Variants in IQGAP1 observed in about 807,000 individuals in gnomAD.
The protein encoded by IQGAP1 is ras GTPase-activating-like protein IQGAP1.
In IQGAP1, 66 loss-of-function variants were observed where a neutral mutation model predicts 215.6. That is an observed-to-expected ratio of 0.31 (90% CI 0.25 to 0.38). The LOEUF is 0.38. Among genes scored for constraint, IQGAP1 ranks in the 10% least tolerant of loss-of-function variants. The probability of loss-of-function intolerance (pLI) is 1.00; values close to 1 mark genes in which losing one functional copy is unlikely to be tolerated. For synonymous variants in IQGAP1, 772 were observed against 728.7 expected, an observed-to-expected ratio of 1.06 and a Z score of -0.96; for missense variants, 1,712 against 1,997.1, an observed-to-expected ratio of 0.86 and a Z score of 2.72.
rs368259212 is a variant in IQGAP1, at chr15:90,492,698, G to A, written c.4615G>A (p.Ala1539Thr). The A allele has an allele frequency of 4.5e-5, 73 of 1,609,160 alleles. No homozygotes were observed. The highest frequency in any genetic ancestry group is 5.9e-5 in the Non-Finnish European group (70 of 1,178,654). ...TATCAAAACCTGCTTGGATAACTTA[G>A]CCAGCAAGGGCAAGTGAGTATTTTT... ...SYIKTCLDNL[A>T]SKGKVSKKPR... Residue 1539 changes from alanine (A) to threonine (T), a missense_variant, in exon 35 of 38, where the codon GCC (alanine) becomes ACC (threonine). This residue lies in a region of IQGAP1 where 691 missense variants were observed against 923.0 expected (regional missense o/e 0.75). Coordinates refer to ENST00000268182, the MANE Select transcript of IQGAP1 (RefSeq NM_003870.4).
rs1215341279 is a variant in IQGAP1 at position 90,440,183 on chromosome 15, T to C, written c.536-319T>C. On this transcript the variant is annotated intron_variant, in intron 6 of 37. Coordinates refer to ENST00000268182, the MANE Select transcript of IQGAP1 (RefSeq NM_003870.4). ...ACTTAGTTTGTGATTCACTTATTGT[T>C]GAGCTCACGTTAAAGCTGTTCCATT... Among the ~76,000 whole-genome samples, 7 of 152,354 alleles carry C rather than the reference T, an allele frequency of 4.6e-5. No individual in the cohort carries two copies. In the South Asian group the frequency reaches 1.4e-3, roughly 32 times the overall value.
chr15:90,437,728 A>G (rs566954389), intron 5 of IQGAP1, among the ~76,000 whole-genome samples: 4 of 152,144 alleles, frequency 2.6e-5, no homozygotes, highest in East Asian at 1.9e-4. Context: ...TTTTGTAGAG[A>G]CAAGTCTTGC....
intron 9 of IQGAP1, 140 bp from the exon 10 acceptor site, chr15:90,448,433 T>G (rs1257147796): frequency 7.2e-6 from 5 of 696,322 alleles, no homozygotes; most frequent in Middle Eastern, 3.5e-4. Context: ...CAAGATCTTA[T>G]GCTTCTGAGA....
At chr15:90,490,098 TAG>T (rs1966182555) in intron 33 of IQGAP1, among the ~76,000 whole-genome samples, 1 of 152,256 alleles carries the variant, frequency 6.6e-6, no homozygotes, top group Non-Finnish European at 1.5e-5. Flanking sequence ...TTGCTCCAGT[TAG>T]GGGGAATTAC....
chr15:90,447,984 G>A (rs1965548286), intron 9 of IQGAP1, among the ~76,000 whole-genome samples: 1 of 152,074 alleles, frequency 6.6e-6, no homozygotes, highest in Non-Finnish European at 1.5e-5. Context: ...TGTTGTGGGT[G>A]GAGTGTGTTC....
At chr15:90,491,590 TGAGAGGCTC>T in intron 34 of IQGAP1, 45 bp downstream of exon 34, 1 of 1,514,044 alleles carries the variant, frequency 6.6e-7, no homozygotes, top group East Asian at 2.3e-5. Flanking sequence ...TGTTCAAAGC[TGAGAGGCTC>T]GAGAGACAGT....
chr15:90,454,512 C>T lies in IQGAP1; in HGVS notation c.1572C>T (p.Cys524=), dbSNP rs142929274. 1.2e-4 allele frequency: 194 copies of T among 1,605,616 alleles called. No individual in the cohort carries two copies. The highest frequency in any genetic ancestry group is 6.7e-4 in the Middle Eastern group (4 of 6,010). Residue 524 remains cysteine, a synonymous_variant, in exon 14 of 38, where the codon TGC becomes TGT. Coordinates refer to ENST00000268182, the MANE Select transcript of IQGAP1 (RefSeq NM_003870.4). The part of the protein sequence containing the change: ...EFITWNDIQA[C]VDHVNLVVQE... ...TTACATGGAATGATATCCAAGCTTG[C>T]GTGGACCATGTGAACCTGGTGGTGC...
At position 90,429,590 on chromosome 15, in the gene IQGAP1, C is replaced by A; in HGVS notation, c.314C>A (p.Ala105Glu). ...CCTAATTTTCTTTTTTTTTTCTAGG[C>A]GACTGGCCTCCACTTTAGACACACT... ...IYDREQTRYK[A>E]TGLHFRHTDN... is the part of the protein sequence containing the mutation. Residue 105 changes from alanine to glutamate, a missense_variant and splice_region_variant, in exon 4 of 38, where the codon GCG (alanine) becomes GAG (glutamate). Physicochemically the swap from Ala to Glu is moderately radical, Grantham distance 107. Around this residue, in one of 2 missense-constraint regions of IQGAP1, gnomAD observed 1,021 missense variants for 1,074.2 expected, o/e 0.95. Transcript: ENST00000268182. The A allele has an allele frequency of 6.3e-7, 1 of 1,580,484 alleles. No homozygotes were observed. The highest frequency in any genetic ancestry group is 1.9e-5 in the Admixed American group (1 of 51,412).
At chr15:90,441,051 G>A (rs1185258960) in intron 7 of IQGAP1, among the ~76,000 whole-genome samples, 1 of 151,540 alleles carries the variant, frequency 6.6e-6, no homozygotes, top group Non-Finnish European at 1.5e-5. Context: ...AGGTTGCAGT[G>A]AGCCGAGATC....
intron 18 of IQGAP1, 130 bp from the exon 19 acceptor site, chr15:90,472,710 T>C (rs1398687505): frequency 1.7e-5 from 13 of 786,630 alleles, no homozygotes; most frequent in Admixed American, 1.4e-4. Flanking sequence ...ATTCCTGTTA[T>C]GTAGCTAATG....
chr15:90,433,447 C>CA (rs1965329870), intron 4 of IQGAP1, among the ~76,000 whole-genome samples: 1 of 152,222 alleles, frequency 6.6e-6, no homozygotes, highest in African/African-American at 2.4e-5. Context: ...ATCACCTTCT[C>CA]ACACCTAATG....
chr15:90,440,255 T>A (rs1965429375), intron 6 of IQGAP1, among the ~76,000 whole-genome samples: 1 of 152,256 alleles, frequency 6.6e-6, no homozygotes, highest in South Asian at 2.1e-4. Flanking sequence ...TTTGAAAAAC[T>A]ATTTCCTGTA....
intron 23 of IQGAP1, 106 bp from the exon 24 acceptor site, chr15:90,476,557 G>C: frequency 1.3e-6 from 1 of 742,972 alleles, no homozygotes; most frequent in Non-Finnish European, 2.2e-6. Flanking sequence ...ATCTGCCAGT[G>C]CAGTACACCT....
At position 90,426,144 on chromosome 15, in the gene IQGAP1, C is replaced by T. The variant is rs1323324255; in HGVS notation, c.190C>T (p.Pro64Ser). 6.2e-7 allele frequency: 1 copy of T among 1,605,654 alleles called. No individual in the cohort carries two copies. The highest frequency in any genetic ancestry group is 8.5e-7 in the Non-Finnish European group (1 of 1,176,744). Residue 64 changes from proline (P) to serine (S), a missense_variant, in exon 3 of 38, where the codon CCC becomes TCC. Transcript: ENST00000268182. Reference protein sequence around the residue: ...MEACLGEDLPPTTELEEGLRN... With the variant: ...MEACLGEDLPSTTELEEGLRN... ...AGCATGCCTAGGGGAAGATCTGCCT[C>T]CCACCACAGAACTGGAGGAGGGGCT...
chr15:90,474,020 G>T, intron 21 of IQGAP1, 44 bp from the exon 22 acceptor site: 1 of 1,605,186 alleles, frequency 6.2e-7, no homozygotes. Context: ...CCATATTTTT[G>T]GTAGACAGAT....
At chr15:90,438,268 TC>T (rs1199283868) in intron 5 of IQGAP1, among the ~76,000 whole-genome samples, 1 of 152,218 alleles carries the variant, frequency 6.6e-6, no homozygotes, top group African/African-American at 2.4e-5. Flanking sequence ...TCTGATCTCT[TC>T]TAATTTATTG....
chr15:90,492,270 A>T (rs1966215745), intron 34 of IQGAP1, among the ~76,000 whole-genome samples: 1 of 152,086 alleles, frequency 6.6e-6, no homozygotes, highest in Non-Finnish European at 1.5e-5. Flanking sequence ...CTACAAAAAA[A>T]AGTTTTTTAA....
intron 18 of IQGAP1, among the ~76,000 whole-genome samples, chr15:90,467,922 G>A (rs751512982): frequency 6.6e-5 from 10 of 152,180 alleles, no homozygotes; most frequent in Non-Finnish European, 1.3e-4. Context: ...TCTTCTAACT[G>A]TTCCACAAAT....
intron 18 of IQGAP1, among the ~76,000 whole-genome samples, chr15:90,471,502 CTTT>C (rs370377668): frequency 2.1e-5 from 3 of 144,494 alleles, no homozygotes; most frequent in African/African-American, 5.1e-5. Context: ...CTCATGAAGT[CTTT>C]TTTTTTTTTT....
Sources: allele counts gnomAD v4.1 joint callset (sites outside exome capture counted in the v4.1 genomes callset), GRCh38; gene constraint gnomAD v4.1.1; regional missense constraint gnomAD v4.1.1; transcripts MANE v1.5; gene names NCBI Gene and HGNC (gene_info 2026-07-23, HGNC 2026-07-21).